Variants in LRRTM4 observed in about 807,000 individuals in gnomAD.
LRRTM4 encodes the protein leucine-rich repeat transmembrane neuronal protein 4.
LRRTM4 carries 25 observed loss-of-function variants against 47.6 expected under a neutral mutation model. The observed-to-expected ratio is 0.53, with a 90% CI of 0.38 to 0.73. The LOEUF (loss-of-function observed/expected upper bound fraction) is 0.73. LRRTM4 is among the 30% of genes least tolerant of loss of function. LRRTM4 has a pLI of 0.00. For synonymous variants in LRRTM4, 311 were observed against 269.5 expected (o/e 1.15, Z -1.51); for missense variants, 638 against 713.4 (o/e 0.89, Z 1.20).
At chr2:77,107,640 G>A (rs2103925636) in intron 3 of LRRTM4, among the ~76,000 whole-genome samples, 1 of 152,146 alleles carries the variant, frequency 6.6e-6, no homozygotes. Context: ...CCAACATGGA[G>A]AAACCCCATC....
At chr2:77,347,575 C>G (rs1671613873) in intron 3 of LRRTM4, among the ~76,000 whole-genome samples, 1 of 151,910 alleles carries the variant, frequency 6.6e-6, no homozygotes, top group Admixed American at 6.6e-5. Context: ...TCTGTAGTGA[C>G]AGATTAGTTG....
intron 3 of LRRTM4, among the ~76,000 whole-genome samples, chr2:77,298,987 T>A (rs2104155632): frequency 6.6e-6 from 1 of 152,212 alleles, no homozygotes; most frequent in East Asian, 1.9e-4. Flanking sequence ...TAGAAGATGA[T>A]GCATAAAATC....
At chr2:77,486,908 A>T (rs1428276259) in intron 3 of LRRTM4, among the ~76,000 whole-genome samples, 1 of 152,250 alleles carries the variant, frequency 6.6e-6, no homozygotes, top group African/African-American at 2.4e-5. Context: ...ATGAAAGATG[A>T]CCATCAGAGA....
At chr2:77,431,827 G>A (rs1675386884) in intron 3 of LRRTM4, among the ~76,000 whole-genome samples, 1 of 148,982 alleles carries the variant, frequency 6.7e-6, no homozygotes, top group Non-Finnish European at 1.5e-5. Flanking sequence ...TGTAATCCCA[G>A]CACTTTGCGA....
intron 3 of LRRTM4, among the ~76,000 whole-genome samples, chr2:77,265,827 T>C (rs1676035185): frequency 6.6e-6 from 1 of 152,186 alleles, no homozygotes; most frequent in Admixed American, 6.5e-5. Context: ...TAAACTATGT[T>C]ATATTAGAAT....
At chr2:76,945,509 A>G (rs993296981) in intron 3 of LRRTM4, among the ~76,000 whole-genome samples, 2 of 152,058 alleles carry the variant, frequency 1.3e-5, no homozygotes, top group African/African-American at 4.8e-5. Context: ...TTATGATGCA[A>G]TGCAGAATAT....
chr2:77,460,965 T>C (rs748228471), intron 3 of LRRTM4, among the ~76,000 whole-genome samples: 8 of 152,064 alleles, frequency 5.3e-5, no homozygotes, highest in African/African-American at 2.4e-5. Context: ...AAATAAAATA[T>C]AGACTACATT....
At chr2:77,031,934 C>T (rs542845471) in intron 3 of LRRTM4, among the ~76,000 whole-genome samples, 1 of 152,120 alleles carries the variant, frequency 6.6e-6, no homozygotes, top group African/African-American at 2.4e-5. Context: ...GCCCCTAACC[C>T]TAACATGATT....
intron 3 of LRRTM4, among the ~76,000 whole-genome samples, chr2:76,767,593 A>G (rs189500177): frequency 7.9e-4 from 121 of 152,308 alleles, no homozygotes; most frequent in African/African-American, 2.9e-3. Context: ...GCTGTAGTTT[A>G]TCATCCAAGT....
intron 3 of LRRTM4, among the ~76,000 whole-genome samples, chr2:76,772,375 G>C (rs112451646): frequency 6.6e-6 from 1 of 152,084 alleles, no homozygotes; most frequent in Non-Finnish European, 1.5e-5. Context: ...AGCCTGAACA[G>C]ACTAAGAAAA....
intron 3 of LRRTM4, among the ~76,000 whole-genome samples, chr2:77,089,332 G>A (rs1038779375): frequency 2.0e-5 from 3 of 151,304 alleles, no homozygotes; most frequent in African/African-American, 7.3e-5. Flanking sequence ...TTTTCTAGAG[G>A]AGGGACAAGT....
intron 3 of LRRTM4, among the ~76,000 whole-genome samples, chr2:77,281,475 C>G (rs1676504449): frequency 6.6e-6 from 1 of 151,830 alleles, no homozygotes. Flanking sequence ...GCTACTGTGT[C>G]TTAAATAGTA....
At chr2:77,455,385 A>AT (rs772262196) in intron 3 of LRRTM4, among the ~76,000 whole-genome samples, 16 of 151,964 alleles carry the variant, frequency 1.1e-4, no homozygotes, top group Non-Finnish European at 1.9e-4. Context: ...GTTATCAGTA[A>AT]TTTTTTCCAA....
chr2:77,438,696 G>T (rs552893657), intron 3 of LRRTM4, among the ~76,000 whole-genome samples: 105 of 152,206 alleles, frequency 6.9e-4, no homozygotes, highest in Non-Finnish European at 1.2e-3. Flanking sequence ...GTGAGCCAAC[G>T]TGCCCGGCGG....
chr2:76,931,930 C>A (rs1056213745), intron 3 of LRRTM4, among the ~76,000 whole-genome samples: 4 of 151,956 alleles, frequency 2.6e-5, no homozygotes, highest in Non-Finnish European at 4.4e-5. Flanking sequence ...GGAGGATGGG[C>A]AGAACAGGGA....
chr2:76,855,218 G>A (rs988474165), intron 3 of LRRTM4, among the ~76,000 whole-genome samples: 5 of 152,274 alleles, frequency 3.3e-5, no homozygotes, highest in African/African-American at 1.2e-4. Context: ...AAGATCATGG[G>A]GCCCGTGTAA....
intron 3 of LRRTM4, among the ~76,000 whole-genome samples, chr2:77,495,304 T>C (rs1265959875): frequency 2.6e-5 from 4 of 152,096 alleles, no homozygotes; most frequent in South Asian, 2.1e-4. Flanking sequence ...TTGCCAATAC[T>C]TGATCTGTCA....
At chr2:76,871,031 A>T (rs1388985159) in intron 3 of LRRTM4, among the ~76,000 whole-genome samples, 1 of 152,202 alleles carries the variant, frequency 6.6e-6, no homozygotes, top group African/African-American at 2.4e-5. Flanking sequence ...CAACACAATT[A>T]GGTTGCAAAG....
chr2:76,807,614 C>T (rs1295767838), intron 3 of LRRTM4, among the ~76,000 whole-genome samples: 9 of 151,098 alleles, frequency 6.0e-5, no homozygotes, highest in Non-Finnish European at 1.3e-4. Flanking sequence ...TATTTTGAGA[C>T]TAAGTCTCAC....
Sources: allele counts gnomAD v4.1 joint callset (sites outside exome capture counted in the v4.1 genomes callset), GRCh38; gene constraint gnomAD v4.1.1; transcripts MANE v1.5; gene names NCBI Gene and HGNC (gene_info 2026-07-23, HGNC 2026-07-21).